Variants in NAP1L4 observed in about 807,000 individuals in gnomAD.
NAP1L4 encodes the protein nucleosome assembly protein 1-like 4.
In NAP1L4, 15 loss-of-function variants were observed where a neutral mutation model predicts 58.2. The observed-to-expected ratio is 0.26, with a 90% CI of 0.17 to 0.40. The LOEUF (loss-of-function observed/expected upper bound fraction) is 0.40, where lower values mean the gene tolerates loss of function less well. Ranked by LOEUF, NAP1L4 falls within the 10% of genes least tolerant of loss-of-function variation. The pLI is 1.00. For synonymous variants in NAP1L4, 171 were observed against 155.6 expected, an observed-to-expected ratio of 1.10 and a Z score of -0.74; for missense variants, 384 against 451.1, an observed-to-expected ratio of 0.85 and a Z score of 1.35.
In NAP1L4 at chr11:2,955,801, C is replaced by CTGTGGG; in HGVS notation, c.893-36_893-35insCCCACA. 1 of 1,601,498 alleles carries CTGTGGG rather than the reference C, an allele frequency of 6.2e-7. No individual in the cohort carries two copies. The highest frequency in any genetic ancestry group is 8.5e-7 in the Non-Finnish European group (1 of 1,170,374). On this transcript the variant is annotated intron_variant, in intron 10 of 15. Transcript: ENST00000380542. The surrounding 1 kb of genome is among the most constrained non-coding windows in gnomAD (Gnocchi z 4.2). ...GAAAAGACAAAACATATTTAAATTACAGTGACAACTCCCAGAATTTTAAAG... is the reference window on the plus strand; with the variant it reads ...GAAAAGACAAAACATATTTAAATTACTGTGGGAGTGACAACTCCCAGAATTTTAAAG...
In NAP1L4 at chr11:2,959,908, G is replaced by A; in HGVS notation, c.608C>T (p.Ser203Phe). 6.2e-7 allele frequency: 1 copy of A among 1,613,774 alleles called. No individual in the cohort carries two copies. Among genetic ancestry groups the A allele is most frequent in the East Asian group, 2.2e-5 (1 of 44,868 alleles). ...TTCAAAGTGGAACTCTAACACAAAAGACTAAAAGTAGAAATTCAGAGTAAG... is the reference window on the plus strand; with the variant it reads ...TTCAAAGTGGAACTCTAACACAAAAAACTAAAAGTAGAAATTCAGAGTAAG... The part of the protein sequence containing the change: ...VKFSDPGQPM[S>F]FVLEFHFEPN... The change falls in exon 9 of 16, where the codon TCT becomes TTT. Residue 203 changes from serine (S) to phenylalanine (F), a missense_variant and splice_region_variant. Ser to Phe is a radical substitution (Grantham distance 155). This residue lies in a region of NAP1L4 where 296 missense variants were observed against 360.8 expected (regional missense o/e 0.82). Transcript: ENST00000380542. The surrounding 1 kb of genome is among the most constrained non-coding windows in gnomAD (Gnocchi z 4.9).
Position 2,945,597 on chromosome 11 carries a change from G to A in NAP1L4, c.*82C>T, listed in dbSNP as rs753260848. 2 of 1,535,800 alleles carry A rather than the reference G, an allele frequency of 1.3e-6. No individual in the cohort carries two copies. The highest frequency in any genetic ancestry group is 2.4e-5 in the East Asian group (1 of 40,902). Reference sequence around the variant, plus strand: ...CCGACAGCCGGTCTGCCAGGCACCCGCCTCCGCTTCCTACTGCTGCTTGCA... The same window carrying A: ...CCGACAGCCGGTCTGCCAGGCACCCACCTCCGCTTCCTACTGCTGCTTGCA... On this transcript the variant is annotated 3_prime_UTR_variant, in exon 16 of 16. Transcript: ENST00000380542.
At chr11:2,982,142 CT>C (rs1383110790) in intron 1 of NAP1L4, among the ~76,000 whole-genome samples, 2 of 152,132 alleles carry the variant, frequency 1.3e-5, no homozygotes, top group African/African-American at 4.8e-5. Flanking sequence ...AACATCTTGG[CT>C]TATATGGCTT....
intron 2 of NAP1L4, among the ~76,000 whole-genome samples, chr11:2,978,755 G>T (rs1848122529): frequency 6.6e-6 from 1 of 152,316 alleles, no homozygotes; most frequent in East Asian, 1.9e-4. Context: ...GCCCAAAGTG[G>T]CTTTGTAAAA....
chr11:2,960,434 C>G (rs1846811726), intron 8 of NAP1L4, among the ~76,000 whole-genome samples: 1 of 152,168 alleles, frequency 6.6e-6, no homozygotes, highest in South Asian at 2.1e-4. Context: ...GAAAGCTCAT[C>G]CCTCACTTAC....
intron 3 of NAP1L4, among the ~76,000 whole-genome samples, chr11:2,977,302 T>C (rs971688601): frequency 1.3e-5 from 2 of 152,220 alleles, no homozygotes; most frequent in Non-Finnish European, 2.9e-5. Context: ...AGGCACTGTC[T>C]TAATCATCAA....
At position 2,951,044 on chromosome 11, in the gene NAP1L4, A is replaced by T. The variant is rs920615313; in HGVS notation, c.1122+215T>A. ...ATGTAAATAAGACACAGCTTGAGAC[A>T]GCTGGAAAAGCTTCTACTGAGTATG... On this transcript the variant is annotated intron_variant, in intron 14 of 15. Coordinates refer to ENST00000380542, the MANE Select transcript of NAP1L4 (RefSeq NM_005969.4). The surrounding 1 kb of genome is among the most constrained non-coding windows in gnomAD (Gnocchi z 4.0). 4 of 519,924 alleles carry T rather than the reference A, an allele frequency of 7.7e-6. No homozygotes were observed. Among genetic ancestry groups the T allele is most frequent in the Non-Finnish European group, 1.4e-5 (4 of 295,176 alleles). 32.2% of individuals were successfully genotyped at this position (519,924 alleles called of 1,614,324 possible).
In NAP1L4 at chr11:2,955,429, C is replaced by G. The variant is rs896518826; in HGVS notation, c.915+315G>C. The stretch of plus-strand genomic sequence containing the variant: ...CCATGTTGACCAGACTGGTCTTGAA[C>G]TCCTGACCTCTGGTGATCCACCCAC... On this transcript the variant is annotated intron_variant, in intron 11 of 15. Transcript: ENST00000380542. The surrounding 1 kb of genome is among the most constrained non-coding windows in gnomAD (Gnocchi z 4.2). 7.2e-5 allele frequency among the ~76,000 whole-genome samples: 11 copies of G among 151,770 alleles called. No individual in the cohort carries two copies. Among genetic ancestry groups the G allele is most frequent in the African/African-American group, 2.7e-4 (11 of 41,270 alleles).
chr11:2,945,948 A>C (rs1432486872), intron 15 of NAP1L4, among the ~76,000 whole-genome samples: 1 of 152,094 alleles, frequency 6.6e-6, no homozygotes, highest in Non-Finnish European at 1.5e-5. Context: ...CTGCCCATGA[A>C]AGGGCTGGGA....
rs1847535270 is a variant in NAP1L4 at position 2,969,905 on chromosome 11, T to C, written c.432A>G (p.Thr144=). 1 of 1,613,610 alleles carries C rather than the reference T, an allele frequency of 6.2e-7. No homozygotes were observed. Among genetic ancestry groups the C allele is most frequent in the Non-Finnish European group, 8.5e-7 (1 of 1,179,758 alleles). ...CTTCAGCCGTTGCCGCTGCTTTTTC[T>C]GTGACGACTACTTTACTTTTCATGT... ...AGDMKSKVVV[T]EKAAATAEEP... is the part of the protein sequence containing the mutation. The change falls in exon 7 of 16, where the codon ACA becomes ACG. Residue 144 remains threonine (T), a synonymous_variant. Coordinates refer to ENST00000380542, the MANE Select transcript of NAP1L4 (RefSeq NM_005969.4).
intron 10 of NAP1L4, chr11:2,958,083 C>G (rs908198757): frequency 9.8e-6 from 5 of 509,842 alleles, no homozygotes; most frequent in Non-Finnish European, 1.9e-5. Flanking sequence ...GAGGAAGCAG[C>G]CCAGGTGCAA....
At chr11:2,985,761 G>A (rs1331765522) in intron 1 of NAP1L4, among the ~76,000 whole-genome samples, 1 of 152,172 alleles carries the variant, frequency 6.6e-6, no homozygotes, top group African/African-American at 2.4e-5. Context: ...GCAAAAGAAT[G>A]TTGTAAGTTT....
rs1289078906 is a variant in NAP1L4 at position 2,954,199 on chromosome 11, T to A, written c.1035+328A>T. 1 of 365,898 alleles carries A rather than the reference T, an allele frequency of 2.7e-6. No individual in the cohort carries two copies. Among genetic ancestry groups the A allele is most frequent in the Non-Finnish European group, 5.1e-6 (1 of 197,138 alleles). The allele number at this position is 365,898 out of a possible 1,614,324, so 22.7% of individuals were successfully genotyped here. A position where few individuals can be genotyped will look rare whatever the true frequency, so the allele number is the denominator to read the frequency against. On this transcript the variant is annotated intron_variant, in intron 12 of 15. Coordinates refer to ENST00000380542, the MANE Select transcript of NAP1L4 (RefSeq NM_005969.4). This position sits in a 1 kb window ranked among gnomAD's most constrained non-coding sequence, Gnocchi z 4.8. Reference sequence around the variant, plus strand: ...AATGTTTGTTGTGGCCAGACCTCCATAAAAGAGATATTCCCTGTGTTCACA... The same window carrying A: ...AATGTTTGTTGTGGCCAGACCTCCAAAAAAGAGATATTCCCTGTGTTCACA...
At chr11:2,976,451 T>G (rs1403779416) in intron 3 of NAP1L4, among the ~76,000 whole-genome samples, 13 of 152,152 alleles carry the variant, frequency 8.5e-5, no homozygotes. Flanking sequence ...TCACATGGTC[T>G]ACCCCCAAGT....
chr11:2,971,648 A>G lies in NAP1L4; in HGVS notation c.316-114T>C. The G allele has an allele frequency of 1.2e-6, 1 of 816,022 alleles. No homozygotes were observed. Among genetic ancestry groups the G allele is most frequent in the Non-Finnish European group, 1.9e-6 (1 of 535,992 alleles). The allele number at this position is 816,022 out of a possible 1,614,324, so 50.5% of individuals were successfully genotyped here. ...ACTTTGAAAACTGGATATTTTTATA[A>G]CTTATTTTAAGATTCTAAATTTTAG... On this transcript the variant is annotated intron_variant, in intron 5 of 15. Transcript: ENST00000380542. This position sits in a 1 kb window ranked among gnomAD's most constrained non-coding sequence, Gnocchi z 4.2.
chr11:2,968,953 AATCAGAAATGGTGG>A (rs137889674), intron 7 of NAP1L4, among the ~76,000 whole-genome samples: 15,820 of 151,758 alleles, frequency 0.1, 965 homozygotes, highest in African/African-American at 0.16. Flanking sequence ...GGCAAGACAA[AATCAGAAATGGTGG>A]TTGGGTTTTG....
intron 1 of NAP1L4, among the ~76,000 whole-genome samples, chr11:2,986,419 T>C (rs1205109756): frequency 6.6e-6 from 1 of 151,522 alleles, no homozygotes; most frequent in Non-Finnish European, 1.5e-5. Flanking sequence ...TTGGGCCACG[T>C]TTGAGAGACA....
intron 4 of NAP1L4, among the ~76,000 whole-genome samples, chr11:2,973,751 C>T (rs1847784131): frequency 6.6e-6 from 1 of 152,186 alleles, no homozygotes; most frequent in Non-Finnish European, 1.5e-5. Flanking sequence ...CATTTTTACC[C>T]CTTTTCTGCA....
Position 2,958,284 on chromosome 11 carries a change from T to G in NAP1L4, c.892+115A>C, listed in dbSNP as rs984246160. On this transcript the variant is annotated intron_variant, in intron 10 of 15. Transcript: ENST00000380542. Reference sequence around the variant, plus strand: ...CTGGGACACAGCAATGTGCCCCTACTGACCACACTTGCCTGAAAAAAGAGG... The same window carrying G: ...CTGGGACACAGCAATGTGCCCCTACGGACCACACTTGCCTGAAAAAAGAGG... 4 of 1,098,070 alleles carry G rather than the reference T, an allele frequency of 3.6e-6. No homozygotes were observed. In the African/African-American group the frequency reaches 6.3e-5, roughly 17 times the overall value. 68.0% of individuals were successfully genotyped at this position (1,098,070 alleles called of 1,614,324 possible).
Sources: allele counts gnomAD v4.1 joint callset (sites outside exome capture counted in the v4.1 genomes callset), GRCh38; gene constraint gnomAD v4.1.1; regional missense constraint gnomAD v4.1.1; non-coding constraint Gnocchi (gnomAD v3.1); transcripts MANE v1.5; gene names NCBI Gene and HGNC (gene_info 2026-07-23, HGNC 2026-07-21).